MAML2: variants seen among roughly 807,000 people sequenced by gnomAD.
MAML2 encodes the protein mastermind like transcriptional coactivator 2, also known as mastermind-like protein 2.
Under a neutral mutation model 96.1 loss-of-function variants are expected in MAML2, and 22 were observed. That is an observed-to-expected ratio of 0.23 (90% CI 0.16 to 0.33). MAML2 has a LOEUF of 0.33. MAML2 is among the 10% of genes least tolerant of loss of function. The pLI is 1.00. For synonymous variants in MAML2, 561 were observed against 521.3 expected (o/e 1.08, Z -1.04); for missense variants, 1,367 against 1,392.4 (o/e 0.98, Z 0.29).
chr11:96,195,244 A>G (rs755401524), intron 1 of MAML2, among the ~76,000 whole-genome samples: 2 of 152,074 alleles, frequency 1.3e-5, no homozygotes, highest in African/African-American at 4.8e-5. Flanking sequence ...GCAAAGCCCT[A>G]TGAATCTACA....
chr11:96,333,760 A>G (rs1435074621), intron 1 of MAML2, among the ~76,000 whole-genome samples: 3 of 152,238 alleles, frequency 2.0e-5, no homozygotes, highest in African/African-American at 7.2e-5. Flanking sequence ...AAATCTCCAC[A>G]GTAGGAAGCG....
At chr11:96,111,962 A>AG (rs398115674) in intron 1 of MAML2, among the ~76,000 whole-genome samples, 3 of 151,582 alleles carry the variant, frequency 2.0e-5, no homozygotes, top group East Asian at 1.9e-4. Context: ...TAAAAAAAAA[A>AG]GAAAGTTGCT....
intron 2 of MAML2, among the ~76,000 whole-genome samples, chr11:96,064,850 T>C (rs537331157): frequency 6.6e-6 from 1 of 152,360 alleles, no homozygotes; most frequent in East Asian, 1.9e-4. Flanking sequence ...AATGTTAACA[T>C]AATCTTGGAA....
chr11:96,198,391 A>G (rs889248459), intron 1 of MAML2, among the ~76,000 whole-genome samples: 1 of 152,210 alleles, frequency 6.6e-6, no homozygotes, highest in African/African-American at 2.4e-5. Context: ...TCTGAGTCAG[A>G]TATGTCCTCC....
intron 1 of MAML2, among the ~76,000 whole-genome samples, chr11:96,118,833 T>C (rs1472537123): frequency 6.6e-6 from 1 of 152,134 alleles, no homozygotes; most frequent in East Asian, 1.9e-4. Context: ...TCATAGTATT[T>C]CTACATAATC....
chr11:96,001,299 G>A (rs774671846), intron 2 of MAML2, among the ~76,000 whole-genome samples: 10 of 152,188 alleles, frequency 6.6e-5, no homozygotes, highest in Non-Finnish European at 1.3e-4. Flanking sequence ...AACGTCAGTG[G>A]GTCAGGGTGG....
At chr11:96,233,067 A>C (rs368015623) in intron 1 of MAML2, among the ~76,000 whole-genome samples, 23 of 152,356 alleles carry the variant, frequency 1.5e-4, no homozygotes, top group African/African-American at 5.3e-4. Context: ...CCAATTTTTT[A>C]AAGCTGTCAC....
chr11:96,143,327 C>A (rs148501307), intron 1 of MAML2, among the ~76,000 whole-genome samples: 38 of 152,298 alleles, frequency 2.5e-4, no homozygotes, highest in African/African-American at 9.1e-4. Context: ...GTCAAGAAAT[C>A]TATGCTTTTG....
intron 1 of MAML2, among the ~76,000 whole-genome samples, chr11:96,273,325 T>C (rs1394602595): frequency 6.6e-6 from 1 of 152,194 alleles, no homozygotes; most frequent in African/African-American, 2.4e-5. Context: ...TCTTGAAACG[T>C]ATTTTTTTTT....
At chr11:96,004,968 C>A (rs890136082) in intron 2 of MAML2, among the ~76,000 whole-genome samples, 1 of 152,048 alleles carries the variant, frequency 6.6e-6, no homozygotes, top group Non-Finnish European at 1.5e-5. Context: ...GGATTAGGTG[C>A]CCTTATAAAA....
At chr11:96,185,438 G>A (rs1463999373) in intron 1 of MAML2, among the ~76,000 whole-genome samples, 2 of 152,182 alleles carry the variant, frequency 1.3e-5, no homozygotes. Context: ...TTCCAGGGAG[G>A]CTCGACCATG....
At chr11:96,134,399 G>C (rs1462754088) in intron 1 of MAML2, among the ~76,000 whole-genome samples, 1 of 152,130 alleles carries the variant, frequency 6.6e-6, no homozygotes, top group African/African-American at 2.4e-5. Context: ...CATTTTTAAT[G>C]AATTAAGGCA....
chr11:96,250,681 T>C (rs964271968), intron 1 of MAML2, among the ~76,000 whole-genome samples: 2 of 152,250 alleles, frequency 1.3e-5, no homozygotes, highest in African/African-American at 4.8e-5. Context: ...TTCTCTTCTG[T>C]GTAAAGCATT....
chr11:96,025,020 C>G (rs1022305142), intron 2 of MAML2, among the ~76,000 whole-genome samples: 1 of 152,160 alleles, frequency 6.6e-6, no homozygotes, highest in African/African-American at 2.4e-5. Context: ...AAACAAACTA[C>G]CGTTCAACCC....
chr11:96,047,503 G>T (rs1181423332), intron 2 of MAML2, among the ~76,000 whole-genome samples: 1 of 152,084 alleles, frequency 6.6e-6, no homozygotes, highest in East Asian at 1.9e-4. Context: ...TAAATAAAAT[G>T]CCTTGTCCAT....
intron 1 of MAML2, among the ~76,000 whole-genome samples, chr11:96,177,793 CA>C (rs1250397756): frequency 1.3e-5 from 2 of 152,024 alleles, no homozygotes; most frequent in Non-Finnish European, 2.9e-5. Flanking sequence ...GAGAAGTGAG[CA>C]TTTGAGAGTG....
chr11:96,240,580 A>G (rs1006375261), intron 1 of MAML2, among the ~76,000 whole-genome samples: 3 of 147,992 alleles, frequency 2.0e-5, no homozygotes, highest in Admixed American at 1.4e-4. Context: ...AAAAAAAAAA[A>G]AAAGAAAGCT....
intron 1 of MAML2, among the ~76,000 whole-genome samples, chr11:96,261,282 T>G (rs564587250): frequency 6.6e-6 from 1 of 151,740 alleles, no homozygotes; most frequent in African/African-American, 2.4e-5. Context: ...TGCCACAGAA[T>G]CCCCACCACC....
At chr11:96,073,487 A>AT (rs1347403495) in intron 2 of MAML2, among the ~76,000 whole-genome samples, 1 of 151,860 alleles carries the variant, frequency 6.6e-6, no homozygotes, top group Non-Finnish European at 1.5e-5. Flanking sequence ...TGCCTGGCTA[A>AT]TTTTTTGTAT....
Sources: gnomAD v4.1 joint callset for allele counts (sites outside exome capture counted in the v4.1 genomes callset) on GRCh38, gnomAD v4.1.1 for gene constraint, MANE v1.5 for transcripts, NCBI Gene and HGNC (gene_info 2026-07-23, HGNC 2026-07-21) for gene names.